The following TENM4 variants were observed in gnomAD, a reference collection of about 807,000 sequenced individuals.
TENM4 encodes teneurin-4.
TENM4 carries 82 observed loss-of-function variants against 243.3 expected under a neutral mutation model. The ratio of observed to expected loss-of-function variants is 0.34; its 90% CI spans 0.28 to 0.40. The LOEUF (loss-of-function observed/expected upper bound fraction) is 0.40, where lower values mean the gene tolerates loss of function less well. TENM4 is among the 10% of genes least tolerant of loss of function. The probability of loss-of-function intolerance (pLI) is 1.00; values close to 1 mark genes in which losing one functional copy is unlikely to be tolerated. For missense variants in TENM4, 3,138 were observed against 3,673.3 expected (o/e 0.85, Z 3.77); for synonymous variants, 1,412 against 1,456.3 (o/e 0.97, Z 0.69).
intron 6 of TENM4, among the ~76,000 whole-genome samples, chr11:78,907,249 T>G (rs561213504): frequency 6.6e-6 from 1 of 150,840 alleles, no homozygotes; most frequent in East Asian, 1.9e-4. Context: ...GACTCCTTTT[T>G]TTTTTTTTTT....
chr11:79,021,818 A>G (rs895955202), intron 6 of TENM4: 3 of 152,222 alleles, frequency 2.0e-5, no homozygotes, highest in African/African-American at 7.2e-5. Flanking sequence ...AGATAAGAGG[A>G]CATCAGAGAT....
At chr11:78,891,540 T>C (rs992347835) in intron 7 of TENM4, among the ~76,000 whole-genome samples, 1 of 152,202 alleles carries the variant, frequency 6.6e-6, no homozygotes, top group African/African-American at 2.4e-5. Flanking sequence ...ACTGTCTATA[T>C]AAAAACAAGG....
At chr11:79,311,316 C>T (rs2135413608) in intron 1 of TENM4, among the ~76,000 whole-genome samples, 1 of 152,310 alleles carries the variant, frequency 6.6e-6, no homozygotes, top group Admixed American at 6.5e-5. Flanking sequence ...CTATGCCTCA[C>T]AGGACTTCTG....
At position 79,051,880 on chromosome 11, in the gene TENM4, T is replaced by C. The variant is rs201902610; in HGVS notation, c.493+12858A>G. 3.9e-5 allele frequency among the ~76,000 whole-genome samples: 6 copies of C among 152,340 alleles called. No individual in the cohort carries two copies. In the East Asian group the frequency reaches 1.2e-3, roughly 29 times the overall value. On this transcript the variant is annotated intron_variant, in intron 6 of 33. Coordinates refer to ENST00000278550, the MANE Select transcript of TENM4 (RefSeq NM_001098816.3). Reference sequence around the variant, plus strand: ...AAGTGAGAACATGCAGTGTCTGATTTTCCATTTCTGCGTTAGTTTGCTAAG... The same window carrying C: ...AAGTGAGAACATGCAGTGTCTGATTCTCCATTTCTGCGTTAGTTTGCTAAG...
intron 3 of TENM4, among the ~76,000 whole-genome samples, chr11:79,169,039 C>A (rs1478131449): frequency 6.6e-6 from 1 of 152,228 alleles, no homozygotes; most frequent in Non-Finnish European, 1.5e-5. Flanking sequence ...CATCCCCTTT[C>A]ACCCAGGACC....
intron 4 of TENM4, among the ~76,000 whole-genome samples, chr11:79,086,835 CAAAAAAAA>C (rs371315703): frequency 1.1e-5 from 1 of 89,098 alleles, no homozygotes; most frequent in Non-Finnish European, 2.1e-5. Flanking sequence ...CTCTGTCTCG[CAAAAAAAA>C]AAAAAAAAAA....
At chr11:78,763,860 G>C (rs1402963756) in intron 18 of TENM4, among the ~76,000 whole-genome samples, 7 of 152,254 alleles carry the variant, frequency 4.6e-5, no homozygotes, top group Non-Finnish European at 8.8e-5. Flanking sequence ...AGAAATTTGA[G>C]TGTCTTTCCC....
intron 6 of TENM4, among the ~76,000 whole-genome samples, chr11:78,983,718 A>T (rs1298992024): frequency 7.6e-6 from 1 of 131,828 alleles, no homozygotes; most frequent in Non-Finnish European, 1.6e-5. Context: ...AAGACACGGC[A>T]GGGCCTGTCA....
intron 3 of TENM4, among the ~76,000 whole-genome samples, chr11:79,175,232 T>G (rs987245779): frequency 1.3e-5 from 2 of 151,612 alleles, no homozygotes; most frequent in Admixed American, 6.6e-5. Flanking sequence ...GCTGAGAAAT[T>G]ATAATAATTC....
At position 78,786,901 on chromosome 11, in the gene TENM4, T is replaced by C. The variant is rs374780385; in HGVS notation, c.2362A>G (p.Ile788Val). 7 of 1,608,156 alleles carry C rather than the reference T, an allele frequency of 4.4e-6. No individual in the cohort carries two copies. The African/African-American group carries it at 5.3e-5, about 12-fold the overall frequency. ...CGGGGACCTCGGCCCGCCATACCGA[T>C]GGTGCAGTGTTCGCCATTCCAGCCA... ...SPGWNGEHCT[I>V]AHYLDRVVKE... Residue 788 changes from isoleucine to valine, a missense_variant, in exon 16 of 34, where the codon ATC (isoleucine) becomes GTC (valine). By Grantham distance (29) the Ile-to-Val change is conservative. Around this residue, in one of 2 missense-constraint regions of TENM4, gnomAD observed 2,467 missense variants for 3,059.1 expected, o/e 0.81. Transcript: ENST00000278550.
chr11:79,279,870 G>A (rs1272478521), intron 2 of TENM4, among the ~76,000 whole-genome samples: 2 of 152,168 alleles, frequency 1.3e-5, no homozygotes, highest in African/African-American at 4.8e-5. Context: ...AGTATTAAGA[G>A]GTGTGACCTT....
chr11:79,284,384 G>A (rs989522614), intron 2 of TENM4, among the ~76,000 whole-genome samples: 2 of 152,162 alleles, frequency 1.3e-5, no homozygotes. Context: ...ATCAAATTTA[G>A]AGTCTTGAAA....
At chr11:78,691,048 C>T (rs1858806564) in intron 28 of TENM4, among the ~76,000 whole-genome samples, 1 of 152,176 alleles carries the variant, frequency 6.6e-6, no homozygotes, top group Non-Finnish European at 1.5e-5. Flanking sequence ...CCACTCCTAC[C>T]ATGGCCTTGC....
intron 29 of TENM4, among the ~76,000 whole-genome samples, chr11:78,686,798 T>G (rs1303742103): frequency 2.0e-5 from 3 of 152,202 alleles, no homozygotes; most frequent in Non-Finnish European, 4.4e-5. Context: ...TAAAGGTGCT[T>G]GGTGAAGAAG....
chr11:79,208,956 C>T (rs1472952390), intron 3 of TENM4, among the ~76,000 whole-genome samples: 1 of 152,196 alleles, frequency 6.6e-6, no homozygotes, highest in Non-Finnish European at 1.5e-5. Context: ...AGGTCCACAG[C>T]CTTGCAAACA....
rs1438433086 is a variant in TENM4, at chr11:79,169,703, A to ACT, written c.-162-20899_-162-20898dup. Among the ~76,000 whole-genome samples the ACT allele has an allele frequency of 9.8e-5, 15 of 152,302 alleles. 1 individual carries two copies. In the East Asian group the frequency reaches 2.7e-3, roughly 27 times the overall value. On this transcript the variant is annotated intron_variant, in intron 3 of 33. Coordinates refer to ENST00000278550, the MANE Select transcript of TENM4 (RefSeq NM_001098816.3). ...ACCACCAATTCTGCTGTGGCCAGAGACTAGGGCAAAGACAAACACTTATCA... is the reference window on the plus strand; with the variant it reads ...ACCACCAATTCTGCTGTGGCCAGAGACTCTAGGGCAAAGACAAACACTTATCA...
chr11:78,976,396 A>G (rs932148045), intron 6 of TENM4, among the ~76,000 whole-genome samples: 17 of 152,178 alleles, frequency 1.1e-4, no homozygotes, highest in African/African-American at 3.1e-4. Flanking sequence ...AATATCTGTT[A>G]TATTTCAATA....
chr11:78,900,465 C>T (rs1334758584), intron 7 of TENM4, among the ~76,000 whole-genome samples: 1 of 152,132 alleles, frequency 6.6e-6, no homozygotes, highest in Admixed American at 6.5e-5. Context: ...CCCTCAACTC[C>T]TTTGGGGCGA....
intron 12 of TENM4, among the ~76,000 whole-genome samples, chr11:78,851,193 C>A (rs1179312405): frequency 2.6e-5 from 4 of 152,234 alleles, no homozygotes; most frequent in African/African-American, 7.2e-5. Flanking sequence ...AATGCTGAAT[C>A]TAAGGTCCAC....
Sources: allele counts gnomAD v4.1 joint callset (sites outside exome capture counted in the v4.1 genomes callset), GRCh38; gene constraint gnomAD v4.1.1; regional missense constraint gnomAD v4.1.1; transcripts MANE v1.5; gene names NCBI Gene and HGNC (gene_info 2026-07-23, HGNC 2026-07-21).